PRDM16: variants seen among roughly 807,000 people sequenced by gnomAD.
PRDM16 encodes the protein histone-lysine N-methyltransferase PRDM16.
In PRDM16, 23 loss-of-function variants were observed where a neutral mutation model predicts 110.6. The observed-to-expected ratio is 0.21, with a 90% CI of 0.15 to 0.29. The LOEUF (loss-of-function observed/expected upper bound fraction) is 0.29. Among genes scored for constraint, PRDM16 ranks in the 10% least tolerant of loss-of-function variants. The pLI is 1.00. For synonymous variants in PRDM16, 799 were observed against 781.8 expected (o/e 1.02, Z -0.37); for missense variants, 1,615 against 1,794.3 (o/e 0.90, Z 1.81).
chr1:3,290,389 CAG>C lies in PRDM16; in HGVS notation c.438+46257_438+46258del, dbSNP rs1467341487. Among the ~76,000 whole-genome samples the C allele has an allele frequency of 2.0e-5, 3 of 152,296 alleles. No individual in the cohort carries two copies. The highest frequency in any genetic ancestry group is 6.5e-5 in the Admixed American group (1 of 15,300). ...TCCCCACCTTATAGATGAGGAGGCA[CAG>C]AGAGGGGGAAATTTGCCGGTTCCCC... is the stretch of plus-strand genomic sequence containing the variant. On this transcript the variant is annotated intron_variant, in intron 3 of 16. Coordinates refer to ENST00000270722, the MANE Select transcript of PRDM16 (RefSeq NM_022114.4). The surrounding 1 kb of genome is among the most constrained non-coding windows in gnomAD (Gnocchi z 4.8).
intron 1 of PRDM16, among the ~76,000 whole-genome samples, chr1:3,112,687 C>T (rs1642824880): frequency 6.6e-6 from 1 of 152,258 alleles, no homozygotes; most frequent in South Asian, 2.1e-4. Context: ...GGCCTTCCCA[C>T]TTGCGTGGAC....
chr1:3,249,532 A>C (rs997747335), intron 3 of PRDM16, among the ~76,000 whole-genome samples: 17 of 140,264 alleles, frequency 1.2e-4, no homozygotes, highest in Admixed American at 2.2e-4. Context: ...CTACCCATGC[A>C]CTTTATTACC....
At chr1:3,343,875 T>C (rs1642316259) in intron 3 of PRDM16, among the ~76,000 whole-genome samples, 1 of 152,200 alleles carries the variant, frequency 6.6e-6, no homozygotes, top group African/African-American at 2.4e-5. Flanking sequence ...TCTCCTGACC[T>C]TGTGATCCAC....
At chr1:3,173,885 G>T (rs1019454839) in intron 1 of PRDM16, among the ~76,000 whole-genome samples, 1 of 152,214 alleles carries the variant, frequency 6.6e-6, no homozygotes, top group African/African-American at 2.4e-5. Context: ...CTGCTTCAGG[G>T]CACCAGGAGC....
intron 4 of PRDM16, among the ~76,000 whole-genome samples, chr1:3,393,476 T>G (rs1365553338): frequency 1.3e-5 from 2 of 152,202 alleles, no homozygotes; most frequent in Non-Finnish European, 2.9e-5. Context: ...CAGGAATGTG[T>G]AGGGAGCTGC....
intron 3 of PRDM16, among the ~76,000 whole-genome samples, chr1:3,337,424 G>T (rs1351913307): frequency 6.6e-6 from 1 of 152,236 alleles, no homozygotes; most frequent in African/African-American, 2.4e-5. Context: ...TCTCTTTTCT[G>T]GGAGAACAGG....
intron 2 of PRDM16, among the ~76,000 whole-genome samples, chr1:3,204,010 C>T (rs77733625): frequency 0.018 from 2,773 of 152,240 alleles, 90 homozygotes; most frequent in African/African-American, 0.063. Context: ...TCTGCGGACT[C>T]GAAGGGGACC....
intron 2 of PRDM16, among the ~76,000 whole-genome samples, chr1:3,222,380 A>G (rs1464317862): frequency 6.6e-6 from 1 of 152,130 alleles, no homozygotes; most frequent in Non-Finnish European, 1.5e-5. Context: ...GGGTGCTGGG[A>G]CTTCCTCTTT....
intron 3 of PRDM16, among the ~76,000 whole-genome samples, chr1:3,310,895 CAT>C (rs59029331): frequency 0.11 from 16,873 of 151,730 alleles, 1,139 homozygotes; most frequent in East Asian, 0.32. Context: ...GTGTGTGAGA[CAT>C]GTGGGCATGT....
intron 1 of PRDM16, among the ~76,000 whole-genome samples, chr1:3,155,423 G>A (rs536294022): frequency 6.6e-6 from 1 of 152,374 alleles, no homozygotes; most frequent in East Asian, 1.9e-4. Flanking sequence ...TGTTATCTGC[G>A]TGGTTGGTGG....
chr1:3,096,793 C>T (rs567939809), intron 1 of PRDM16, among the ~76,000 whole-genome samples: 1 of 152,328 alleles, frequency 6.6e-6, no homozygotes, highest in Admixed American at 6.5e-5. Context: ...CCTCATCTTC[C>T]TCAGTTTTCC....
chr1:3,146,223 G>A (rs1622545), intron 1 of PRDM16, among the ~76,000 whole-genome samples: 29,209 of 152,014 alleles, frequency 0.19, 4,956 homozygotes, highest in African/African-American at 0.45. Flanking sequence ...GGGTGGAAAC[G>A]GGGGGGCCCG....
intron 1 of PRDM16, among the ~76,000 whole-genome samples, chr1:3,153,744 C>T (rs1388010004): frequency 1.3e-5 from 2 of 152,198 alleles, no homozygotes; most frequent in East Asian, 3.8e-4. Flanking sequence ...CAGTCATATG[C>T]TAAGTAAACA....
intron 1 of PRDM16, among the ~76,000 whole-genome samples, chr1:3,118,417 C>T (rs1643018293): frequency 6.6e-6 from 1 of 152,160 alleles, no homozygotes; most frequent in Non-Finnish European, 1.5e-5. Context: ...CCTGGGTGTG[C>T]CTGGACACTC....
At chr1:3,257,851 G>A (rs1640084571) in intron 3 of PRDM16, among the ~76,000 whole-genome samples, 1 of 152,202 alleles carries the variant, frequency 6.6e-6, no homozygotes, top group African/African-American at 2.4e-5. Flanking sequence ...AGAAACTTGA[G>A]CATCCTTGGA....
chr1:3,377,438 A>T (rs565770559), intron 3 of PRDM16, among the ~76,000 whole-genome samples: 1 of 152,334 alleles, frequency 6.6e-6, no homozygotes, highest in African/African-American at 2.4e-5. Context: ...GAGCCCACAA[A>T]TTAGAAGTGC....
chr1:3,279,036 C>T (rs1444906786), intron 3 of PRDM16, among the ~76,000 whole-genome samples: 1 of 152,222 alleles, frequency 6.6e-6, no homozygotes, highest in Non-Finnish European at 1.5e-5. Flanking sequence ...GGGGCAGGGG[C>T]AGCTGGGCTG....
intron 4 of PRDM16, among the ~76,000 whole-genome samples, chr1:3,393,009 C>T (rs1349571472): frequency 6.6e-6 from 1 of 152,238 alleles, no homozygotes; most frequent in African/African-American, 2.4e-5. Context: ...CAAAGAGAAC[C>T]TGAAGTGTTG....
At chr1:3,210,809 C>T (rs1569851270) in intron 2 of PRDM16, among the ~76,000 whole-genome samples, 1 of 152,222 alleles carries the variant, frequency 6.6e-6, no homozygotes, top group African/African-American at 2.4e-5. Flanking sequence ...CGTTAGATAT[C>T]GCTTTGTCCA....
Sources: gnomAD v4.1 joint callset for allele counts (sites outside exome capture counted in the v4.1 genomes callset) on GRCh38, gnomAD v4.1.1 for gene constraint, Gnocchi (gnomAD v3.1) non-coding constraint, MANE v1.5 for transcripts, NCBI Gene and HGNC (gene_info 2026-07-23, HGNC 2026-07-21) for gene names.